The following ERBB4 variants were observed in gnomAD, a reference collection of about 807,000 sequenced individuals.
ERBB4 encodes the protein erb-b2 receptor tyrosine kinase 4, also known as receptor tyrosine-protein kinase erbB-4.
In ERBB4, 42 loss-of-function variants were observed where a neutral mutation model predicts 158.0. The ratio of observed to expected loss-of-function variants is 0.27; its 90% CI spans 0.21 to 0.34. ERBB4 has a LOEUF of 0.34. Ranked by LOEUF, ERBB4 falls within the 10% of genes least tolerant of loss-of-function variation. The pLI, the probability that ERBB4 is intolerant of heterozygous loss-of-function variation, is 1.00. For missense variants in ERBB4, 1,333 were observed against 1,624.1 expected, an observed-to-expected ratio of 0.82 and a Z score of 3.08; for synonymous variants, 583 against 558.7, an observed-to-expected ratio of 1.04 and a Z score of -0.61.
intron 16 of ERBB4, among the ~76,000 whole-genome samples, chr2:211,655,354 T>C (rs2071171707): frequency 6.6e-6 from 1 of 152,178 alleles, no homozygotes; most frequent in Admixed American, 6.5e-5. Flanking sequence ...AGAAAGATAA[T>C]AAATAATAAC....
chr2:212,069,593 T>G (rs1031469439), intron 2 of ERBB4, among the ~76,000 whole-genome samples: 7 of 152,168 alleles, frequency 4.6e-5, no homozygotes, highest in African/African-American at 1.7e-4. Flanking sequence ...TAAAAGGTGT[T>G]CGGTTTAAAC....
chr2:212,167,995 C>T (rs557474795), intron 1 of ERBB4, among the ~76,000 whole-genome samples: 1 of 151,758 alleles, frequency 6.6e-6, no homozygotes, highest in South Asian at 2.1e-4. Context: ...TGCAGCAAAC[C>T]ACCATGGCAC....
chr2:211,738,774 C>T (rs1467123835), intron 5 of ERBB4, among the ~76,000 whole-genome samples: 2 of 151,708 alleles, frequency 1.3e-5, no homozygotes, highest in African/African-American at 4.8e-5. Flanking sequence ...TCAAGCGATT[C>T]TCATGCGTCA....
intron 2 of ERBB4, among the ~76,000 whole-genome samples, chr2:212,040,354 AC>A (rs1348978315): frequency 5.7e-4 from 86 of 152,172 alleles, no homozygotes; most frequent in African/African-American, 2.0e-3. Context: ...GAAAGAAAAC[AC>A]TTATATATTT....
chr2:211,736,196 C>T (rs2074595196), intron 5 of ERBB4, among the ~76,000 whole-genome samples: 1 of 151,800 alleles, frequency 6.6e-6, no homozygotes, highest in Non-Finnish European at 1.5e-5. Context: ...ATAATCATGT[C>T]CTCCTACAAG....
Position 211,381,371 on chromosome 2 carries a change from T to G in ERBB4, c.*2244A>C, listed in dbSNP as rs2062570986. The G allele has an allele frequency of 8.6e-6, 2 of 232,038 alleles. No homozygotes were observed. The highest frequency in any genetic ancestry group is 1.8e-4 in the South Asian group (1 of 5,516). The allele number at this position is 232,038 out of a possible 1,614,324, so 14.4% of individuals were successfully genotyped here. ...CAATATTCTCCTAGACCAGTTTATG[T>G]TTGAATAATATTATTGAAATTATCC... On this transcript the variant is annotated 3_prime_UTR_variant, in exon 28 of 28. Coordinates refer to ENST00000342788, the MANE Select transcript of ERBB4 (RefSeq NM_005235.3).
chr2:212,538,711 G>T lies in ERBB4; in HGVS notation c.-181C>A. 4.6e-6 allele frequency: 2 copies of T among 433,842 alleles called. No homozygotes were observed. The highest frequency in any genetic ancestry group is 7.9e-6 in the Non-Finnish European group (2 of 254,544). The allele number at this position is 433,842 out of a possible 1,614,324, so 26.9% of individuals were successfully genotyped here. ...CCGAGTCCGCGCCCGCGGGTCCAGG[G>T]CCGGGGCCCGAGGAGGGGGCGAGTG... On this transcript the variant is annotated 5_prime_UTR_variant, in exon 1 of 28. Coordinates refer to ENST00000342788, the MANE Select transcript of ERBB4 (RefSeq NM_005235.3).
intron 12 of ERBB4, among the ~76,000 whole-genome samples, chr2:211,686,530 T>G (rs2072570998): frequency 7.7e-4 from 1 of 1,296 alleles, no homozygotes. Context: ...TGCCTCTAGA[T>G]TCTTTTTTTT....
At chr2:211,773,224 G>A (rs913932954) in intron 4 of ERBB4, among the ~76,000 whole-genome samples, 2 of 151,220 alleles carry the variant, frequency 1.3e-5, no homozygotes, top group Admixed American at 6.6e-5. Flanking sequence ...AATAAGACCA[G>A]AGAGGTGAAG....
chr2:212,523,288 T>C (rs1692272493), intron 1 of ERBB4, among the ~76,000 whole-genome samples: 2 of 151,958 alleles, frequency 1.3e-5, no homozygotes, highest in Non-Finnish European at 1.5e-5. Flanking sequence ...CAGCCACAAA[T>C]GCAGGCCCAG....
At chr2:212,140,846 AGTGTGT>A (rs35461019) in intron 1 of ERBB4, among the ~76,000 whole-genome samples, 1,611 of 131,720 alleles carry the variant, frequency 0.012, 20 homozygotes, top group African/African-American at 0.033. Context: ...AGGAAACATG[AGTGTGT>A]GTGTGTGTGT....
intron 20 of ERBB4, among the ~76,000 whole-genome samples, chr2:211,499,448 A>G (rs2065559923): frequency 6.6e-6 from 1 of 152,028 alleles, no homozygotes; most frequent in Admixed American, 6.5e-5. Context: ...GTTTGAACCC[A>G]GGAGAAGGAG....
rs558646544 is a variant in ERBB4, at chr2:211,872,194, T to C, written c.421+75236A>G. On this transcript the variant is annotated intron_variant, in intron 3 of 27. Coordinates refer to ENST00000342788, the MANE Select transcript of ERBB4 (RefSeq NM_005235.3). Reference sequence around the variant, plus strand: ...AGGCTAAAGCCTTTCACATCATTAGTACTGCTGTAGAGGGTTAGTATTTGA... The same window carrying C: ...AGGCTAAAGCCTTTCACATCATTAGCACTGCTGTAGAGGGTTAGTATTTGA... Among the ~76,000 whole-genome samples the C allele has an allele frequency of 2.2e-3, 337 of 152,366 alleles. 3 individuals carry two copies. Among genetic ancestry groups the C allele is most frequent in the African/African-American group, 7.6e-3 (318 of 41,590 alleles).
intron 1 of ERBB4, among the ~76,000 whole-genome samples, chr2:212,522,121 T>C (rs912148801): frequency 6.6e-6 from 1 of 151,990 alleles, no homozygotes. Context: ...ATGTTGATAT[T>C]TAGACTATGT....
At chr2:211,801,131 A>C (rs2076489878) in intron 3 of ERBB4, among the ~76,000 whole-genome samples, 1 of 152,214 alleles carries the variant, frequency 6.6e-6, no homozygotes, top group African/African-American at 2.4e-5. Context: ...ATTCACATAA[A>C]GAAAGCAAAA....
chr2:212,154,297 C>T (rs528407003), intron 1 of ERBB4, among the ~76,000 whole-genome samples: 1 of 152,224 alleles, frequency 6.6e-6, no homozygotes, highest in Non-Finnish European at 1.5e-5. Context: ...AAACAACAAA[C>T]TTTGACCATG....
chr2:211,815,084 T>C (rs569126770), intron 3 of ERBB4, among the ~76,000 whole-genome samples: 3 of 152,224 alleles, frequency 2.0e-5, no homozygotes, highest in African/African-American at 4.8e-5. Context: ...ATTAAAAAAG[T>C]GTAAGGACTT....
At chr2:211,444,152 C>T (rs1197785825) in intron 20 of ERBB4, among the ~76,000 whole-genome samples, 1 of 151,354 alleles carries the variant, frequency 6.6e-6, no homozygotes, top group African/African-American at 2.4e-5. Context: ...ATCTGTATAA[C>T]ATTTCACTTT....
At chr2:212,172,919 G>T (rs1008158031) in intron 1 of ERBB4, among the ~76,000 whole-genome samples, 1 of 152,014 alleles carries the variant, frequency 6.6e-6, no homozygotes, top group African/African-American at 2.4e-5. Context: ...TCTATATCCT[G>T]CACATGTATC....
Sources: gnomAD v4.1 joint callset for allele counts (sites outside exome capture counted in the v4.1 genomes callset) on GRCh38, gnomAD v4.1.1 for gene constraint, MANE v1.5 for transcripts, NCBI Gene and HGNC (gene_info 2026-07-23, HGNC 2026-07-21) for gene names.